The following APBA1 variants were observed in gnomAD, a reference collection of about 807,000 sequenced individuals.
The protein encoded by APBA1 is amyloid-beta A4 precursor protein-binding family A member 1.
In APBA1, 55 loss-of-function variants were observed where a neutral mutation model predicts 86.6. The ratio of observed to expected loss-of-function variants is 0.64; its 90% CI spans 0.51 to 0.80. APBA1 has a LOEUF of 0.80. Ranked by LOEUF, APBA1 falls within the 30% of genes least tolerant of loss-of-function variation. The pLI is 0.00. For missense variants in APBA1, 1,090 were observed against 1,183.0 expected (o/e 0.92, Z 1.15); for synonymous variants, 511 against 493.9 (o/e 1.03, Z -0.46).
intron 3 of APBA1, 128 bp downstream of exon 3, chr9:69,475,915 GGAGAA>G: frequency 1.4e-6 from 1 of 734,010 alleles, no homozygotes; most frequent in East Asian, 2.7e-5. Flanking sequence ...ACACTGGAGA[GGAGAA>G]ATCAGGATTG....
chr9:69,609,857 G>A (rs1444684597), intron 1 of APBA1, among the ~76,000 whole-genome samples: 1 of 152,078 alleles, frequency 6.6e-6, no homozygotes, highest in African/African-American at 2.4e-5. Flanking sequence ...GGCGTGCAGC[G>A]GCACAGTCAT....
chr9:69,436,575 CTGTTTG>C (rs1834725634), intron 11 of APBA1, among the ~76,000 whole-genome samples: 1 of 101,658 alleles, frequency 9.8e-6, no homozygotes, highest in African/African-American at 3.8e-5. Context: ...ATTTGGCTCT[CTGTTTG>C]TTGTTGGTGT....
At chr9:69,634,485 T>A (rs1015736324) in intron 1 of APBA1, among the ~76,000 whole-genome samples, 1 of 151,988 alleles carries the variant, frequency 6.6e-6, no homozygotes, top group African/African-American at 2.4e-5. Context: ...GAAAACAAGC[T>A]CAGAAAGGCA....
At chr9:69,524,802 T>C (rs1836316901) in intron 1 of APBA1, among the ~76,000 whole-genome samples, 1 of 152,082 alleles carries the variant, frequency 6.6e-6, no homozygotes, top group Non-Finnish European at 1.5e-5. Flanking sequence ...TAGAGACCAA[T>C]ATCCTTGACA....
At chr9:69,669,076 C>T (rs1389382565) in intron 1 of APBA1, among the ~76,000 whole-genome samples, 2 of 152,182 alleles carry the variant, frequency 1.3e-5, no homozygotes, top group Non-Finnish European at 2.9e-5. Context: ...TTCTTTGAAC[C>T]TCCAACCCTT....
chr9:69,514,877 A>G (rs1234440534), intron 2 of APBA1, among the ~76,000 whole-genome samples: 1 of 152,210 alleles, frequency 6.6e-6, no homozygotes, highest in African/African-American at 2.4e-5. Flanking sequence ...ACTGCACTCC[A>G]GCCTGGGTGA....
At chr9:69,653,019 A>AG (rs569099416) in intron 1 of APBA1, among the ~76,000 whole-genome samples, 1 of 151,266 alleles carries the variant, frequency 6.6e-6, no homozygotes, top group Non-Finnish European at 1.5e-5. Context: ...ACAAGCAAAA[A>AG]AAAAACAAAA....
intron 2 of APBA1, among the ~76,000 whole-genome samples, chr9:69,510,397 A>G (rs1195348699): frequency 6.9e-6 from 1 of 145,846 alleles, no homozygotes; most frequent in Non-Finnish European, 1.5e-5. Context: ...GAGAACTACA[A>G]ACCACTGCTC....
chr9:69,549,960 T>C (rs1836759690), intron 1 of APBA1, among the ~76,000 whole-genome samples: 2 of 152,234 alleles, frequency 1.3e-5, no homozygotes, highest in African/African-American at 4.8e-5. Flanking sequence ...GTATACATAA[T>C]ATGTGCAAAT....
intron 10 of APBA1, among the ~76,000 whole-genome samples, chr9:69,446,894 CT>C (rs1834918845): frequency 6.6e-6 from 1 of 152,230 alleles, no homozygotes; most frequent in African/African-American, 2.4e-5. Context: ...CCATCCCCAC[CT>C]TTACTTAAGT....
At chr9:69,576,711 T>G (rs1327417801) in intron 1 of APBA1, among the ~76,000 whole-genome samples, 1 of 151,460 alleles carries the variant, frequency 6.6e-6, no homozygotes, top group Non-Finnish European at 1.5e-5. Context: ...TGTTGTGGGG[T>G]AGGGGGAGCG....
intron 1 of APBA1, among the ~76,000 whole-genome samples, chr9:69,606,858 T>G (rs1440317707): frequency 6.6e-6 from 1 of 152,064 alleles, no homozygotes; most frequent in African/African-American, 2.4e-5. Context: ...GCCATGCTGC[T>G]TCCTAAAAGA....
intron 2 of APBA1, among the ~76,000 whole-genome samples, chr9:69,502,373 C>T (rs1022930092): frequency 6.6e-6 from 1 of 152,032 alleles, no homozygotes; most frequent in Non-Finnish European, 1.5e-5. Flanking sequence ...TACTTCCAAT[C>T]CAGGTGGTGA....
chr9:69,432,674 G>C lies in APBA1; in HGVS notation c.2304C>G (p.Ile768Met). 1 of 1,579,402 alleles carries C rather than the reference G, an allele frequency of 6.3e-7. No individual in the cohort carries two copies. The highest frequency in any genetic ancestry group is 8.6e-7 in the Non-Finnish European group (1 of 1,165,560). ...CTATTCCCCCTCGCATGAGGCTGCA[G>C]ATCTGCCAGAGTCAAAGGCAGAGTT... The part of the protein sequence containing the change: ...QLGFSVQNGI[I>M]CSLMRGGIAE... The change falls in exon 12 of 13, where the codon ATC becomes ATG. Residue 768 changes from isoleucine (I) to methionine (M), a missense_variant and splice_region_variant. This residue lies in a region of APBA1 where 119 missense variants were observed against 124.8 expected (regional missense o/e 0.95). Coordinates refer to ENST00000265381, the MANE Select transcript of APBA1 (RefSeq NM_001163.4).
chr9:69,667,113 T>C (rs912947001), intron 1 of APBA1, among the ~76,000 whole-genome samples: 1 of 152,222 alleles, frequency 6.6e-6, no homozygotes, highest in African/African-American at 2.4e-5. Flanking sequence ...TGTTTTACTA[T>C]AAACTTCTTA....
At chr9:69,493,852 A>C (rs1230115941) in intron 2 of APBA1, among the ~76,000 whole-genome samples, 1 of 152,134 alleles carries the variant, frequency 6.6e-6, no homozygotes, top group African/African-American at 2.4e-5. Flanking sequence ...ACTTACGCTT[A>C]CTGGTTTATC....
intron 1 of APBA1, among the ~76,000 whole-genome samples, chr9:69,638,254 G>A (rs189517671): frequency 6.6e-6 from 1 of 152,096 alleles, no homozygotes; most frequent in Non-Finnish European, 1.5e-5. Context: ...TTTTGTTTTT[G>A]TTTTGAGATG....
chr9:69,652,634 C>A (rs1027366578), intron 1 of APBA1, among the ~76,000 whole-genome samples: 1 of 152,246 alleles, frequency 6.6e-6, no homozygotes, highest in African/African-American at 2.4e-5. Context: ...TCAATAATAA[C>A]CTTGAATATA....
chr9:69,642,063 A>G (rs1482496952), intron 1 of APBA1, among the ~76,000 whole-genome samples: 2 of 152,172 alleles, frequency 1.3e-5, no homozygotes, highest in African/African-American at 4.8e-5. Flanking sequence ...CCAGGCATGA[A>G]GACTTCTTAA....
Sources: gnomAD v4.1 joint callset for allele counts (sites outside exome capture counted in the v4.1 genomes callset) on GRCh38, gnomAD v4.1.1 for gene constraint, gnomAD v4.1.1 regional missense constraint, MANE v1.5 for transcripts, NCBI Gene and HGNC (gene_info 2026-07-23, HGNC 2026-07-21) for gene names.